ELMOD1: variants seen among roughly 807,000 people sequenced by gnomAD.
ELMOD1 encodes ELMO domain-containing protein 1.
ELMOD1 carries 21 observed loss-of-function variants against 46.7 expected under a neutral mutation model. That is an observed-to-expected ratio of 0.45 (90% CI 0.32 to 0.65). The LOEUF (loss-of-function observed/expected upper bound fraction) is 0.65. Ranked by LOEUF, ELMOD1 falls within the 30% of genes least tolerant of loss-of-function variation. The pLI is 0.04. For missense variants in ELMOD1, 348 were observed against 407.8 expected (o/e 0.85, Z 1.26); for synonymous variants, 122 against 138.2 (o/e 0.88, Z 0.82).
chr11:107,615,460 C>T (rs1865846870), intron 1 of ELMOD1, among the ~76,000 whole-genome samples: 1 of 151,968 alleles, frequency 6.6e-6, no homozygotes, highest in African/African-American at 2.4e-5. Context: ...GTCTCGATCT[C>T]CTCACCTCGT....
chr11:107,592,802 A>G (rs1865426433), intron 1 of ELMOD1: 1 of 156,362 alleles, frequency 6.4e-6, no homozygotes, highest in African/African-American at 2.4e-5. Flanking sequence ...GCGTCTTCCT[A>G]CACTTTGGGT....
rs553190157 is a variant in ELMOD1, at chr11:107,615,329, G to A, written c.-85-2776G>A. On this transcript the variant is annotated intron_variant, in intron 1 of 11. Coordinates refer to ENST00000265840, the MANE Select transcript of ELMOD1 (RefSeq NM_018712.4). ...CGGCTCACTGCAACCTCTGCCTCCCGGGTTCAAGCGATTCTCCTGCCTCAG... is the reference window on the plus strand; with the variant it reads ...CGGCTCACTGCAACCTCTGCCTCCCAGGTTCAAGCGATTCTCCTGCCTCAG... Among the ~76,000 whole-genome samples, 20 of 132,902 alleles carry A rather than the reference G, an allele frequency of 1.5e-4. No homozygotes were observed. The South Asian group carries it at 4.1e-3, about 28-fold the overall frequency. The allele number at this position is 132,902 out of a possible 152,430, so 87.2% of individuals were successfully genotyped here.
chr11:107,601,782 C>A (rs1400934520), intron 1 of ELMOD1, among the ~76,000 whole-genome samples: 2 of 152,064 alleles, frequency 1.3e-5, no homozygotes, highest in Non-Finnish European at 2.9e-5. Flanking sequence ...TATCCCCAAA[C>A]CAACAGAGTT....
chr11:107,646,572 T>C (rs1866429802), intron 6 of ELMOD1, among the ~76,000 whole-genome samples: 1 of 151,856 alleles, frequency 6.6e-6, no homozygotes, highest in African/African-American at 2.4e-5. Context: ...CCGCCTCTAC[T>C]AAAAATACAA....
intron 1 of ELMOD1, chr11:107,600,673 C>T (rs1865582200): frequency 6.5e-6 from 1 of 152,882 alleles, no homozygotes; most frequent in South Asian, 2.1e-4. Context: ...CACGTTGAAC[C>T]ATGTCAACAT....
chr11:107,635,324 A>C (rs1169105340), intron 5 of ELMOD1, among the ~76,000 whole-genome samples: 1 of 152,152 alleles, frequency 6.6e-6, no homozygotes, highest in Non-Finnish European at 1.5e-5. Context: ...TTTGTTGCCC[A>C]GGCTGGTTTT....
intron 6 of ELMOD1, among the ~76,000 whole-genome samples, chr11:107,640,011 A>T (rs570235367): frequency 8.6e-4 from 131 of 152,148 alleles, no homozygotes; most frequent in Non-Finnish European, 1.2e-3. Context: ...TATTTTATGC[A>T]TATTTATTTT....
chr11:107,654,935 C>T (rs1360380798), intron 10 of ELMOD1, among the ~76,000 whole-genome samples: 1 of 151,860 alleles, frequency 6.6e-6, no homozygotes, highest in African/African-American at 2.4e-5. Context: ...TTTATATTAG[C>T]AGAGAGGATT....
At chr11:107,598,485 A>T (rs767993077) in intron 1 of ELMOD1, among the ~76,000 whole-genome samples, 4 of 152,214 alleles carry the variant, frequency 2.6e-5, no homozygotes, top group Non-Finnish European at 4.4e-5. Flanking sequence ...TGCACCCAGA[A>T]ATAATGTTTA....
chr11:107,617,641 G>A, intron 1 of ELMOD1, among the ~76,000 whole-genome samples: 1 of 152,180 alleles, frequency 6.6e-6, no homozygotes, highest in South Asian at 2.1e-4. Flanking sequence ...TGATTCTTGA[G>A]CTTGAGCTCT....
intron 6 of ELMOD1, among the ~76,000 whole-genome samples, chr11:107,645,128 G>A (rs1191363041): frequency 2.3e-5 from 3 of 132,840 alleles, no homozygotes; most frequent in Non-Finnish European, 3.1e-5. Flanking sequence ...TTGTAGAGAC[G>A]GAGTTTCACC....
At chr11:107,642,725 CTT>C (rs1283300472) in intron 6 of ELMOD1, among the ~76,000 whole-genome samples, 1 of 152,130 alleles carries the variant, frequency 6.6e-6, no homozygotes, top group Non-Finnish European at 1.5e-5. Context: ...TTATGAATAA[CTT>C]TAAAAAATTT....
intron 1 of ELMOD1, among the ~76,000 whole-genome samples, chr11:107,609,154 C>T (rs1226135571): frequency 6.6e-6 from 1 of 152,204 alleles, no homozygotes; most frequent in African/African-American, 2.4e-5. Flanking sequence ...GTAAAGCTTA[C>T]AGCATATTGC....
At chr11:107,662,235 C>T (rs1422001962) in intron 11 of ELMOD1, among the ~76,000 whole-genome samples, 5 of 152,134 alleles carry the variant, frequency 3.3e-5, no homozygotes, top group African/African-American at 1.2e-4. Context: ...CCTCAAACTC[C>T]TGGGCTCAAG....
chr11:107,619,444 T>C (rs1865912560), intron 2 of ELMOD1, among the ~76,000 whole-genome samples: 1 of 152,208 alleles, frequency 6.6e-6, no homozygotes, highest in Admixed American at 6.5e-5. Context: ...TGTGCACACC[T>C]CCTGAATGTA....
chr11:107,663,857 C>T (rs971812069), intron 11 of ELMOD1, among the ~76,000 whole-genome samples: 3 of 152,162 alleles, frequency 2.0e-5, no homozygotes, highest in African/African-American at 7.2e-5. Context: ...TCCCCATTTT[C>T]ATTTATGCAT....
intron 2 of ELMOD1, chr11:107,620,464 T>C (rs2135675771): frequency 6.6e-6 from 1 of 152,328 alleles, no homozygotes; most frequent in Non-Finnish European, 1.5e-5. Context: ...TAAATGCTAT[T>C]TGATTAGTAC....
chr11:107,595,825 T>C (rs1257772138), intron 1 of ELMOD1, among the ~76,000 whole-genome samples: 1 of 152,108 alleles, frequency 6.6e-6, no homozygotes, highest in East Asian at 1.9e-4. Flanking sequence ...TCAGTATCTA[T>C]AAAATAAACT....
At position 107,636,198 on chromosome 11, in the gene ELMOD1, G is replaced by C. The variant is rs144624181; in HGVS notation, c.420+433G>C. Among the ~76,000 whole-genome samples, 306 of 152,302 alleles carry C rather than the reference G, an allele frequency of 2.0e-3. 1 individual carries two copies. Among genetic ancestry groups the C allele is most frequent in the Non-Finnish European group, 3.1e-3 (213 of 68,026 alleles). On this transcript the variant is annotated intron_variant, in intron 6 of 11. Coordinates refer to ENST00000265840, the MANE Select transcript of ELMOD1 (RefSeq NM_018712.4). ...ATGGCCCTCTTGGGAAATTACCCAAGATCTTAATGCTGATTATTTATGCAT... is the reference window on the plus strand; with the variant it reads ...ATGGCCCTCTTGGGAAATTACCCAACATCTTAATGCTGATTATTTATGCAT...
Sources: gnomAD v4.1 joint callset for allele counts (sites outside exome capture counted in the v4.1 genomes callset) on GRCh38, gnomAD v4.1.1 for gene constraint, MANE v1.5 for transcripts, NCBI Gene and HGNC (gene_info 2026-07-23, HGNC 2026-07-21) for gene names.